CHD4: variants seen among roughly 807,000 people sequenced by gnomAD.
CHD4 encodes ATP-dependent chromatin remodeler CHD4.
A neutral mutation model predicts 235.5 loss-of-function variants in CHD4; 35 were observed. The ratio of observed to expected loss-of-function variants is 0.15; its 90% CI spans 0.11 to 0.20. The LOEUF (loss-of-function observed/expected upper bound fraction) is 0.20, where lower values mean the gene tolerates loss of function less well. CHD4 is among the 10% of genes least tolerant of loss of function. The probability of loss-of-function intolerance (pLI) is 1.00; values close to 1 mark genes in which losing one functional copy is unlikely to be tolerated. For synonymous variants in CHD4, 900 were observed against 850.2 expected, an observed-to-expected ratio of 1.06 and a Z score of -1.02; for missense variants, 1,329 against 2,432.3, an observed-to-expected ratio of 0.55 and a Z score of 9.54.
chr12:6,576,027 T>C (rs1379668639), intron 37 of CHD4, among the ~76,000 whole-genome samples: 1 of 152,058 alleles, frequency 6.6e-6, no homozygotes, highest in Non-Finnish European at 1.5e-5. Context: ...GTTCCGTCCC[T>C]ACTCCAATTC....
At chr12:6,599,366 A>G (rs1309613812) in intron 10 of CHD4, among the ~76,000 whole-genome samples, 1 of 152,032 alleles carries the variant, frequency 6.6e-6, no homozygotes, top group African/African-American at 2.4e-5. Flanking sequence ...CTTGAGCCCA[A>G]GAGTTGGAGG....
At chr12:6,601,878 T>G in intron 4 of CHD4, 82 bp downstream of exon 4, 1 of 1,563,366 alleles carries the variant, frequency 6.4e-7, no homozygotes, top group Non-Finnish European at 8.8e-7. Flanking sequence ...GAAGAGAAAG[T>G]GTTCTAAAGG....
chr12:6,606,631 G>A (rs1176391997), intron 1 of CHD4, 180 bp from the exon 2 acceptor site: 6 of 380,374 alleles, frequency 1.6e-5, no homozygotes. Context: ...TCCCCGGCAG[G>A]CGCCCCCACG....
intron 10 of CHD4, 146 bp downstream of exon 10, chr12:6,599,627 T>C: frequency 1.0e-6 from 1 of 998,868 alleles, no homozygotes; most frequent in Admixed American, 2.8e-5. Flanking sequence ...AGGACAAAAG[T>C]ATCCCAACAC....
In CHD4 at chr12:6,582,269, A is replaced by C; in HGVS notation, c.4383T>G (p.Ser1461=). 6.3e-7 allele frequency: 1 copy of C among 1,590,808 alleles called. No homozygotes were observed. Among genetic ancestry groups the C allele is most frequent in the Non-Finnish European group, 8.5e-7 (1 of 1,170,006 alleles). ...GCTCACATAAATGCCGCATGAAAAG[A>C]GAGACATATGCCCTGTGTAAAGAAG... is the stretch of plus-strand genomic sequence containing the variant. ...KSEKEFKAYV[S]LFMRHLCEPG... The change falls in exon 30 of 40, where the codon TCT becomes TCG. Residue 1461 remains serine, a synonymous_variant. Transcript: ENST00000544040.
chr12:6,599,442 A>G (rs1291357264), intron 10 of CHD4, among the ~76,000 whole-genome samples: 1 of 151,138 alleles, frequency 6.6e-6, no homozygotes, highest in Non-Finnish European at 1.5e-5. Flanking sequence ...CCTGTCTCCA[A>G]AAAAAAAAAT....
intron 25 of CHD4, among the ~76,000 whole-genome samples, chr12:6,586,415 A>C (rs189362651): frequency 9.2e-5 from 14 of 151,796 alleles, no homozygotes; most frequent in East Asian, 7.8e-4. Flanking sequence ...TAAATAAATA[A>C]ATACATACAT....
chr12:6,581,954 C>T, intron 30 of CHD4, 140 bp from the exon 31 acceptor site: 6 of 1,169,364 alleles, frequency 5.1e-6, no homozygotes, highest in Non-Finnish European at 7.0e-6. Flanking sequence ...AGGTGCCCGC[C>T]ACCACGTGCA....
Position 6,570,556 on chromosome 12 carries a change from C to A in CHD4, c.*120G>T. ...CCAGTGCACTGGGGCTGTTCCTTTACAACATGGAAGATGGGCAGAAGGAAG... is the reference window on the plus strand; with the variant it reads ...CCAGTGCACTGGGGCTGTTCCTTTAAAACATGGAAGATGGGCAGAAGGAAG... On this transcript the variant is annotated 3_prime_UTR_variant, in exon 40 of 40. Transcript: ENST00000544040. 1 of 1,289,356 alleles carries A rather than the reference C, an allele frequency of 7.8e-7. No homozygotes were observed. Among genetic ancestry groups the A allele is most frequent in the East Asian group, 2.3e-5 (1 of 43,022 alleles). 79.9% of individuals were successfully genotyped at this position (1,289,356 alleles called of 1,614,324 possible). A position where few individuals can be genotyped will look rare whatever the true frequency, so the allele number is the denominator to read the frequency against.
Position 6,570,625 on chromosome 12 carries a change from A to T in CHD4, c.*51T>A, listed in dbSNP as rs1317314787. 4 of 1,612,802 alleles carry T rather than the reference A, an allele frequency of 2.5e-6. No homozygotes were observed. Among genetic ancestry groups the T allele is most frequent in the Non-Finnish European group, 3.4e-6 (4 of 1,178,894 alleles). On this transcript the variant is annotated 3_prime_UTR_variant, in exon 40 of 40. Coordinates refer to ENST00000544040, the MANE Select transcript of CHD4 (RefSeq NM_001273.5). ...CCCAGGGGAGAAGCTGGGACAAGAG[A>T]AAGTGAGGAAGGTCACTGCTCAGCG... is the stretch of plus-strand genomic sequence containing the variant.
At chr12:6,607,204 C>G (rs1484966322) in intron 1 of CHD4, 96 bp downstream of exon 1, 1 of 152,132 alleles carries the variant, frequency 6.6e-6, no homozygotes, top group Non-Finnish European at 1.5e-5. Flanking sequence ...GTCCGCGGGT[C>G]CGGAGACGCC....
intron 29 of CHD4, 36 bp downstream of exon 29, chr12:6,582,579 T>C: frequency 6.4e-7 from 1 of 1,573,332 alleles, no homozygotes. Flanking sequence ...GCAGAAGCCC[T>C]TGCTCTAGAT....
intron 10 of CHD4, among the ~76,000 whole-genome samples, chr12:6,599,432 CCT>C (rs1190622237): frequency 2.6e-5 from 4 of 151,794 alleles, no homozygotes; most frequent in Admixed American, 2.0e-4. Context: ...AGAATGAGAC[CCT>C]GTCTCCAAAA....
Position 6,583,088 on chromosome 12 carries a change from G to T in CHD4, c.4086C>A (p.Asn1362Lys), listed in dbSNP as rs1449254414. Reference protein sequence around the residue: ...DRDWQDDQSDNQSDYSVASEE... With the variant: ...DRDWQDDQSDKQSDYSVASEE... ...CTGAAGCCACTGAGTAATCGGACTGGTTGTCGGACTGGTCGTCCTGCCAAT... is the reference window on the plus strand; with the variant it reads ...CTGAAGCCACTGAGTAATCGGACTGTTTGTCGGACTGGTCGTCCTGCCAAT... Residue 1362 changes from asparagine (N) to lysine (K), a missense_variant, in exon 27 of 40, where the codon AAC becomes AAA. This residue lies in a region of CHD4 where 46 missense variants were observed against 85.6 expected (regional missense o/e 0.54). Coordinates refer to ENST00000544040, the MANE Select transcript of CHD4 (RefSeq NM_001273.5). 6.3e-7 allele frequency: 1 copy of T among 1,583,886 alleles called. No homozygotes were observed. Among genetic ancestry groups the T allele is most frequent in the Non-Finnish European group, 8.6e-7 (1 of 1,164,538 alleles).
rs1269921869 is a variant in CHD4, at chr12:6,600,927, G to A, written c.926C>T (p.Ser309Leu). Reference protein sequence around the residue: ...GGFGSKRKRSSSEDDDLDVES... With the variant: ...GGFGSKRKRSLSEDDDLDVES... Reference sequence around the variant, plus strand: ...TAAAGCGATGGGCTGGGCTCTCACCGAGGATCTCTTACGCTTGGAACCAAA... The same window carrying A: ...TAAAGCGATGGGCTGGGCTCTCACCAAGGATCTCTTACGCTTGGAACCAAA... The change falls in exon 7 of 40, where the codon TCG becomes TTG. Residue 309 changes from serine to leucine, a missense_variant and splice_region_variant. By Grantham distance (145) the Ser-to-Leu change is moderately radical (BLOSUM62 -2). Around this residue, in one of 26 missense-constraint regions of CHD4, gnomAD observed 160 missense variants for 196.6 expected, o/e 0.81. Coordinates refer to ENST00000544040, the MANE Select transcript of CHD4 (RefSeq NM_001273.5). 4 of 1,584,122 alleles carry A rather than the reference G, an allele frequency of 2.5e-6. No homozygotes were observed. Among genetic ancestry groups the A allele is most frequent in the South Asian group, 1.2e-5 (1 of 85,672 alleles).
In CHD4 at chr12:6,598,199, T is replaced by C. The variant is rs1201623396; in HGVS notation, c.1686+23A>G. 2.5e-6 allele frequency: 4 copies of C among 1,610,134 alleles called. No homozygotes were observed. In the Admixed American group the frequency reaches 5.0e-5, roughly 20 times the overall value. On this transcript the variant is annotated intron_variant, in intron 11 of 39. Coordinates refer to ENST00000544040, the MANE Select transcript of CHD4 (RefSeq NM_001273.5). ...TATCCTCTTCATCGTAGCCCCTACA[T>C]CTCCAGACTATCCTAAACTTACCTG...
intron 25 of CHD4, among the ~76,000 whole-genome samples, chr12:6,585,049 G>A (rs1302975486): frequency 6.6e-6 from 1 of 152,204 alleles, no homozygotes; most frequent in Non-Finnish European, 1.5e-5. Context: ...TGGTTCTGAG[G>A]TGGAAGAATG....
rs554711733 is a variant in CHD4, at chr12:6,593,683, C to T, written c.2314-67G>A. 53 of 1,428,680 alleles carry T rather than the reference C, an allele frequency of 3.7e-5. No homozygotes were observed. The highest frequency in any genetic ancestry group is 5.2e-5 in the Non-Finnish European group (53 of 1,027,042). The allele number at this position is 1,428,680 out of a possible 1,614,324, so 88.5% of individuals were successfully genotyped here. ...ACACTGCAACCCCAGCGAACACCCA[C>T]CACCCTGCTGCCCCCTCAAGCTGAG... On this transcript the variant is annotated intron_variant, in intron 15 of 39. Transcript: ENST00000544040. The surrounding 1 kb of genome is among the most constrained non-coding windows in gnomAD (Gnocchi z 4.9).
intron 19 of CHD4, 92 bp downstream of exon 19, chr12:6,592,301 G>A: frequency 1.4e-6 from 2 of 1,473,736 alleles, no homozygotes; most frequent in Non-Finnish European, 1.8e-6. Flanking sequence ...CCTGTCACCA[G>A]ATGCCTTGAA....
Sources: allele counts gnomAD v4.1 joint callset (sites outside exome capture counted in the v4.1 genomes callset), GRCh38; gene constraint gnomAD v4.1.1; regional missense constraint gnomAD v4.1.1; non-coding constraint Gnocchi (gnomAD v3.1); transcripts MANE v1.5; gene names NCBI Gene and HGNC (gene_info 2026-07-23, HGNC 2026-07-21).